Variants in TTPA observed in about 807,000 individuals in gnomAD.
TTPA encodes alpha-tocopherol transfer protein.
In TTPA, 23 loss-of-function variants were observed where a neutral mutation model predicts 25.9. The observed-to-expected ratio is 0.89, with a 90% confidence interval of 0.64 to 1.26. The LOEUF (loss-of-function observed/expected upper bound fraction) is 1.26. Among genes scored for constraint, TTPA ranks in the 50% most tolerant of loss-of-function variants. The probability of loss-of-function intolerance (pLI) is 0.00; values close to 1 mark genes in which losing one functional copy is unlikely to be tolerated. For synonymous variants in TTPA, 148 were observed against 137.3 expected (o/e 1.08, Z -0.54); for missense variants, 337 against 353.1 (o/e 0.95, Z 0.37).
chr8:63,060,185 T>C lies in TTPA; in HGVS notation c.*1067A>G, dbSNP rs758747715. 1.3e-5 allele frequency: 2 copies of C among 152,222 alleles called. No individual in the cohort carries two copies. Among genetic ancestry groups the C allele is most frequent in the Non-Finnish European group, 2.9e-5 (2 of 68,044 alleles). 9.4% of individuals were successfully genotyped at this position (152,222 alleles called of 1,614,324 possible). A position where few individuals can be genotyped will look rare whatever the true frequency, so the allele number is the denominator to read the frequency against. On this transcript the variant is annotated 3_prime_UTR_variant, in exon 5 of 5. Coordinates refer to ENST00000260116, the MANE Select transcript of TTPA (RefSeq NM_000370.3). ...GTTATTGTTAACTAAAAACAGTCCATGTATAAGACAAGTAAGTATGATTCC... is the reference window on the plus strand; with the variant it reads ...GTTATTGTTAACTAAAAACAGTCCACGTATAAGACAAGTAAGTATGATTCC...
chr8:63,063,552 T>C (rs1805342660), intron 4 of TTPA, among the ~76,000 whole-genome samples: 1 of 152,180 alleles, frequency 6.6e-6, no homozygotes, highest in Non-Finnish European at 1.5e-5. Flanking sequence ...AGATAAAAGA[T>C]ACACAGTGAG....
chr8:63,061,017 T>C lies in TTPA; in HGVS notation c.*235A>G. The C allele has an allele frequency of 2.3e-6, 1 of 441,314 alleles. No homozygotes were observed. The highest frequency in any genetic ancestry group is 2.6e-5 in the South Asian group (1 of 38,160). 27.3% of individuals were successfully genotyped at this position (441,314 alleles called of 1,614,324 possible). On this transcript the variant is annotated 3_prime_UTR_variant, in exon 5 of 5. Transcript: ENST00000260116. ...CTCTTCAAGTACAAAATCGCCGATT[T>C]TTATGCTCTTAAAATGTACTGACAT...
intron 2 of TTPA, among the ~76,000 whole-genome samples, chr8:63,067,191 T>TA (rs1219324834): frequency 6.6e-6 from 1 of 152,088 alleles, no homozygotes; most frequent in African/African-American, 2.4e-5. Flanking sequence ...ATAAGTTTTT[T>TA]AAAAAACATT....
At chr8:63,063,412 A>T (rs1805339982) in intron 4 of TTPA, among the ~76,000 whole-genome samples, 1 of 152,194 alleles carries the variant, frequency 6.6e-6, no homozygotes, top group African/African-American at 2.4e-5. Context: ...CTAGCATGAC[A>T]TTAAGTCATA....
chr8:63,071,103 A>G (rs539015596), intron 2 of TTPA, among the ~76,000 whole-genome samples: 1 of 152,334 alleles, frequency 6.6e-6, no homozygotes, highest in African/African-American at 2.4e-5. Flanking sequence ...AAGGAACTTC[A>G]TTGCTATGAG....
At position 63,066,113 on chromosome 8, in the gene TTPA, C is replaced by T. The variant is rs764851051; in HGVS notation, c.359-16G>A. 10 of 1,607,718 alleles carry T rather than the reference C, an allele frequency of 6.2e-6. No homozygotes were observed. In the African/African-American group the frequency reaches 1.2e-4, roughly 19 times the overall value. ...TCCCAGTGTGCTAAAAAAAATAAAG[C>T]ATATCATATCTTAGCATTGTGTAAA... is the stretch of plus-strand genomic sequence containing the variant. On this transcript the variant is annotated splice_polypyrimidine_tract_variant and intron_variant, in intron 2 of 4. Coordinates refer to ENST00000260116, the MANE Select transcript of TTPA (RefSeq NM_000370.3).
At position 63,073,064 on chromosome 8, in the gene TTPA, TCC is replaced by T; in HGVS notation, c.227_228del (p.Trp76Ter). ...GCACTTATTTCTGGACATTCTGCTC[TCC>T]ACTTATAATAGTTTTTTAGTAACTG... ...AWRLLKNYYK[W>X]RAECPEISAD... On this transcript the variant is annotated frameshift_variant, in exon 2 of 5. Transcript: ENST00000260116. LOFTEE classifies it high-confidence loss of function. The T allele has an allele frequency of 1.2e-6, 2 of 1,611,764 alleles. No homozygotes were observed. Among genetic ancestry groups the T allele is most frequent in the Non-Finnish European group, 8.5e-7 (1 of 1,178,398 alleles).
At chr8:63,073,826 G>C (rs1212826018) in intron 1 of TTPA, among the ~76,000 whole-genome samples, 1 of 152,104 alleles carries the variant, frequency 6.6e-6, no homozygotes, top group Non-Finnish European at 1.5e-5. Context: ...TGAGTTAGAA[G>C]AGCCCAGGAG....
At position 63,061,383 on chromosome 8, in the gene TTPA, G is replaced by T; in HGVS notation, c.706C>A (p.His236Asn). ...TCCAGAGGAAGAATGTCTGGGAAAT[G>T]CTGAAGCAAGCTTTGTTTGTAGTTG... ...GNNYKQSLLQ[H>N]FPDILPLEYG... Residue 236 changes from histidine to asparagine, a missense_variant, in exon 5 of 5, where the codon CAT becomes AAT. His to Asn is a moderately conservative substitution (Grantham distance 68). Transcript: ENST00000260116. The T allele has an allele frequency of 6.2e-7, 1 of 1,614,008 alleles. No homozygotes were observed. Among genetic ancestry groups the T allele is most frequent in the Non-Finnish European group, 8.5e-7 (1 of 1,179,956 alleles).
At position 63,075,108 on chromosome 8, in the gene TTPA, A is replaced by T. The variant is rs183908825; in HGVS notation, c.205-2020T>A. On this transcript the variant is annotated intron_variant, in intron 1 of 4. Transcript: ENST00000260116. ...TATAGCTGTCATAAATAAATTATGT[A>T]AATAAACTGCTACTGAGCAATTCTC... 7.9e-5 allele frequency among the ~76,000 whole-genome samples: 12 copies of T among 152,368 alleles called. No homozygotes were observed. In the East Asian group the frequency reaches 2.3e-3, roughly 29 times the overall value.
intron 1 of TTPA, among the ~76,000 whole-genome samples, chr8:63,081,761 TCTC>T (rs1227627153): frequency 6.6e-6 from 1 of 152,110 alleles, no homozygotes. Flanking sequence ...CAACCCAAAA[TCTC>T]CTTAAGCTGA....
Position 63,085,814 on chromosome 8 carries a change from T to G in TTPA, c.204+4A>C. 1 of 1,534,880 alleles carries G rather than the reference T, an allele frequency of 6.5e-7. No homozygotes were observed. Among genetic ancestry groups the G allele is most frequent in the Non-Finnish European group, 8.7e-7 (1 of 1,145,094 alleles). On this transcript the variant is annotated splice_donor_region_variant and intron_variant, in intron 1 of 4. Coordinates refer to ENST00000260116, the MANE Select transcript of TTPA (RefSeq NM_000370.3). ...TGCCGAGCGCCCTGGGCACGCACGC[T>G]TACCCGCCAGGCCAGGTCCAGATCG...
intron 1 of TTPA, among the ~76,000 whole-genome samples, chr8:63,085,184 C>T (rs542332809): frequency 1.4e-4 from 22 of 152,314 alleles, no homozygotes; most frequent in African/African-American, 5.3e-4. Context: ...CTCAAGGTCG[C>T]ATCCCTCTTT....
In TTPA at chr8:63,066,469, T is replaced by C. The variant is rs567282522; in HGVS notation, c.359-372A>G. ...ATTATAAAGAGTAATTAGGGCCCCA[T>C]AGTAACTAAAGAGGTTGCTAAGAGA... On this transcript the variant is annotated intron_variant, in intron 2 of 4. Transcript: ENST00000260116. Among the ~76,000 whole-genome samples, 6 of 152,218 alleles carry C rather than the reference T, an allele frequency of 3.9e-5. No individual in the cohort carries two copies. In the South Asian group the frequency reaches 6.2e-4, roughly 16 times the overall value.
chr8:63,064,141 C>A, intron 4 of TTPA, 65 bp downstream of exon 4: 3 of 1,197,710 alleles, frequency 2.5e-6, no homozygotes, highest in South Asian at 1.3e-5. Context: ...TAAAGCAATC[C>A]TTAAATTAAA....
rs186978052 is a variant in TTPA at position 63,080,990 on chromosome 8, G to C, written c.204+4828C>G. ...TAGACCAATAACAGGCTCTGAAATT[G>C]AGGCAATAATTAATAGCCTACCAAC... On this transcript the variant is annotated intron_variant, in intron 1 of 4. Transcript: ENST00000260116. Among the ~76,000 whole-genome samples, 786 of 150,732 alleles carry C rather than the reference G, an allele frequency of 5.2e-3. 7 individuals are homozygous for C. Among genetic ancestry groups the C allele is most frequent in the African/African-American group, 0.019 (765 of 40,922 alleles).
chr8:63,074,382 CCT>C (rs1805530648), intron 1 of TTPA, among the ~76,000 whole-genome samples: 1 of 152,150 alleles, frequency 6.6e-6, no homozygotes, highest in Non-Finnish European at 1.5e-5. Context: ...GATTTATCTC[CCT>C]CTCTTTCTCT....
chr8:63,084,519 G>A (rs552456226), intron 1 of TTPA, among the ~76,000 whole-genome samples: 2 of 152,312 alleles, frequency 1.3e-5, no homozygotes, highest in South Asian at 4.1e-4. Flanking sequence ...TAGAATAACA[G>A]CAGCCCAATA....
At chr8:63,058,893 GTTA>G (rs1397020844), downstream of TTPA, among the ~76,000 whole-genome samples, 1 of 151,404 alleles carries the variant, frequency 6.6e-6, no homozygotes, top group African/African-American at 2.4e-5. Flanking sequence ...GAGGTTTTTT[GTTA>G]TTGACACTGT....
Sources: allele counts gnomAD v4.1 joint callset (sites outside exome capture counted in the v4.1 genomes callset), GRCh38; gene constraint gnomAD v4.1.1; transcripts MANE v1.5; gene names NCBI Gene and HGNC (gene_info 2026-07-23, HGNC 2026-07-21).